CSMD1: variants seen among roughly 807,000 people sequenced by gnomAD.
CSMD1 encodes CUB and Sushi multiple domains 1, also known as CUB and sushi domain-containing protein 1.
CSMD1 carries 213 observed loss-of-function variants against 417.5 expected under a neutral mutation model. That is an observed-to-expected ratio of 0.51 (90% CI 0.46 to 0.57). The LOEUF (loss-of-function observed/expected upper bound fraction) is 0.57. Ranked by LOEUF, CSMD1 falls within the 20% of genes least tolerant of loss-of-function variation. The pLI is 0.00. For synonymous variants in CSMD1, 2,862 were observed against 1,736.8 expected (o/e 1.65, Z -16.11); for missense variants, 6,923 against 4,529.7 (o/e 1.53, Z -15.17).
At chr8:3,211,736 G>A (rs568428121) in intron 30 of CSMD1, among the ~76,000 whole-genome samples, 5 of 152,338 alleles carry the variant, frequency 3.3e-5, no homozygotes, top group African/African-American at 1.2e-4. Flanking sequence ...TGGCTCACAA[G>A]CCCGGCCCTG....
rs146531022 is a variant in CSMD1, at chr8:4,138,108, G to A, written c.416-106009C>T. Among the ~76,000 whole-genome samples, 810 of 114,154 alleles carry A rather than the reference G, an allele frequency of 7.1e-3. 86 individuals carry two copies. Among genetic ancestry groups the A allele is most frequent in the Middle Eastern group, 0.024 (4 of 166 alleles). 74.9% of individuals were successfully genotyped at this position (114,154 alleles called of 152,430 possible). ...TTTTTGTATTTTTTAGTAGAGACGC[G>A]GTTTCACCGTGTTACCCAGGATGGT... On this transcript the variant is annotated intron_variant, in intron 3 of 69. Coordinates refer to ENST00000635120, the MANE Select transcript of CSMD1 (RefSeq NM_033225.6).
At chr8:4,347,274 C>G (rs1286776084) in intron 3 of CSMD1, among the ~76,000 whole-genome samples, 3 of 152,092 alleles carry the variant, frequency 2.0e-5, no homozygotes, top group Non-Finnish European at 4.4e-5. Context: ...GTAATCTCAC[C>G]TTGGCCCTCT....
chr8:3,706,714 G>T (rs1436930725), intron 7 of CSMD1, among the ~76,000 whole-genome samples: 1 of 151,486 alleles, frequency 6.6e-6, no homozygotes, highest in Non-Finnish European at 1.5e-5. Flanking sequence ...CCGGATATGT[G>T]GTTCTACATT....
chr8:4,454,436 G>C (rs565155816), intron 2 of CSMD1, among the ~76,000 whole-genome samples: 2 of 152,248 alleles, frequency 1.3e-5, no homozygotes, highest in South Asian at 2.1e-4. Flanking sequence ...CCCTACCCTA[G>C]TCTGGCTACA....
At chr8:3,238,341 A>T (rs1005493555) in intron 26 of CSMD1, among the ~76,000 whole-genome samples, 27 of 152,300 alleles carry the variant, frequency 1.8e-4, no homozygotes, top group Admixed American at 1.7e-3. Flanking sequence ...GGAACTGGCC[A>T]TCTGGATGTG....
intron 5 of CSMD1, among the ~76,000 whole-genome samples, chr8:3,900,270 G>A (rs1807646787): frequency 6.7e-6 from 1 of 149,990 alleles, no homozygotes; most frequent in Non-Finnish European, 1.5e-5. Context: ...TGACAGCACA[G>A]CTGCGTGACA....
intron 3 of CSMD1, among the ~76,000 whole-genome samples, chr8:4,057,276 A>G (rs1396882618): frequency 6.6e-6 from 1 of 152,112 alleles, no homozygotes; most frequent in Admixed American, 6.6e-5. Context: ...CATTTCTCTG[A>G]TGGCCAGTGA....
chr8:4,590,226 A>G (rs1257096329), intron 2 of CSMD1, among the ~76,000 whole-genome samples: 1 of 152,116 alleles, frequency 6.6e-6, no homozygotes, highest in Non-Finnish European at 1.5e-5. Context: ...ATGTGTTACA[A>G]GAGTAGTGTC....
chr8:4,705,507 G>A (rs1304407561), intron 1 of CSMD1, among the ~76,000 whole-genome samples: 3 of 152,200 alleles, frequency 2.0e-5, no homozygotes, highest in Admixed American at 6.5e-5. Context: ...CCAAGAAAAG[G>A]AAACGCGCAC....
At chr8:3,167,851 T>C (rs776537893) in intron 37 of CSMD1, among the ~76,000 whole-genome samples, 16 of 152,192 alleles carry the variant, frequency 1.1e-4, no homozygotes, top group Non-Finnish European at 2.1e-4. Flanking sequence ...TCTAAATCCA[T>C]CAGGCAAAAT....
At position 3,885,197 on chromosome 8, in the gene CSMD1, A is replaced by C. The variant is rs77376792; in HGVS notation, c.818+112706T>G. Reference sequence around the variant, plus strand: ...TTATTAAGAGACATTCACAGATCAGAAAAGTGGAAGATCCCTTATGGGAGA... The same window carrying C: ...TTATTAAGAGACATTCACAGATCAGCAAAGTGGAAGATCCCTTATGGGAGA... On this transcript the variant is annotated intron_variant, in intron 5 of 69. Transcript: ENST00000635120. Among the ~76,000 whole-genome samples, 4 of 152,202 alleles carry C rather than the reference A, an allele frequency of 2.6e-5. No homozygotes were observed. In the East Asian group the frequency reaches 7.7e-4, roughly 29 times the overall value.
chr8:3,752,686 A>AC (rs1797411241), intron 6 of CSMD1, among the ~76,000 whole-genome samples: 1 of 66,078 alleles, frequency 1.5e-5, no homozygotes, highest in Non-Finnish European at 3.8e-5. Context: ...CAAAAAAAAA[A>AC]AAAAAAAAAA....
intron 1 of CSMD1, among the ~76,000 whole-genome samples, chr8:4,655,984 C>T (rs956222111): frequency 6.6e-6 from 1 of 151,916 alleles, no homozygotes; most frequent in Non-Finnish European, 1.5e-5. Context: ...GAGGGTTGGA[C>T]AATAAAAAAT....
At chr8:4,044,443 A>T (rs892073860) in intron 3 of CSMD1, among the ~76,000 whole-genome samples, 7 of 152,178 alleles carry the variant, frequency 4.6e-5, no homozygotes, top group Admixed American at 3.3e-4. Flanking sequence ...TTACCATAAA[A>T]GCTGCTTAAC....
At chr8:3,335,901 C>T (rs1014639065) in intron 23 of CSMD1, among the ~76,000 whole-genome samples, 1 of 152,106 alleles carries the variant, frequency 6.6e-6, no homozygotes, top group Non-Finnish European at 1.5e-5. Context: ...AAGGTAGAAA[C>T]CTGATCCAAG....
chr8:3,552,524 G>GT (rs2116792068), intron 10 of CSMD1, among the ~76,000 whole-genome samples: 1 of 152,246 alleles, frequency 6.6e-6, no homozygotes, highest in East Asian at 1.9e-4. Flanking sequence ...AGACTCAAAA[G>GT]TTTTTTTGAA....
chr8:4,669,195 TG>T (rs1402246703), intron 1 of CSMD1, among the ~76,000 whole-genome samples: 2 of 152,210 alleles, frequency 1.3e-5, no homozygotes, highest in Non-Finnish European at 2.9e-5. Flanking sequence ...CTTCTCTTGC[TG>T]TCTCTCTTGC....
In CSMD1 at chr8:3,190,069, G is replaced by A; in HGVS notation, c.5241C>T (p.Pro1747=). The change falls in exon 34 of 70, where the codon CCC becomes CCT. Residue 1747 remains proline, a synonymous_variant. Transcript: ENST00000635120. ...SDTQCSSVPE[P]RYGRRIGSEF... ...CAGAACCAATTCTCCTTCCGTATCT[G>A]GGCTCGGGGACAGAGCTGCATTGGG... The A allele has an allele frequency of 1.3e-6, 2 of 1,596,014 alleles. No homozygotes were observed. Among genetic ancestry groups the A allele is most frequent in the Non-Finnish European group, 1.7e-6 (2 of 1,171,366 alleles).
chr8:3,923,560 A>G (rs1292771267), intron 5 of CSMD1, among the ~76,000 whole-genome samples: 1 of 152,172 alleles, frequency 6.6e-6, no homozygotes, highest in Non-Finnish European at 1.5e-5. Context: ...TACACTGTGA[A>G]ATAATTAAAT....
Sources: allele counts gnomAD v4.1 joint callset (sites outside exome capture counted in the v4.1 genomes callset), GRCh38; gene constraint gnomAD v4.1.1; transcripts MANE v1.5; gene names NCBI Gene and HGNC (gene_info 2026-07-23, HGNC 2026-07-21).